Variants in PTPRQ observed in about 807,000 individuals in gnomAD.
The protein encoded by PTPRQ is phosphatidylinositol phosphatase PTPRQ.
A neutral mutation model predicts 246.0 loss-of-function variants in PTPRQ; 199 were observed. That is an observed-to-expected ratio of 0.81 (90% CI 0.72 to 0.91). PTPRQ has a LOEUF of 0.91. Among genes scored for constraint, PTPRQ ranks in the 40% least tolerant of loss-of-function variants. PTPRQ has a pLI of 0.00. For missense variants in PTPRQ, 2,624 were observed against 2,528.4 expected (o/e 1.04, Z -0.81); for synonymous variants, 869 against 853.2 (o/e 1.02, Z -0.32).
chr12:80,589,761 G>C (rs1245069444), intron 26 of PTPRQ, among the ~76,000 whole-genome samples: 1 of 151,858 alleles, frequency 6.6e-6, no homozygotes, highest in African/African-American at 2.4e-5. Context: ...CTGGCACTTT[G>C]ACACTTGGTT....
intron 39 of PTPRQ, 70 bp from the exon 40 acceptor site, chr12:80,668,937 C>A: frequency 3.4e-6 from 5 of 1,450,782 alleles, no homozygotes; most frequent in Non-Finnish European, 4.6e-6. Context: ...ATGTTTCATG[C>A]ATTGATCGAA....
intron 17 of PTPRQ, among the ~76,000 whole-genome samples, chr12:80,512,209 T>C (rs1895146009): frequency 6.6e-6 from 1 of 152,186 alleles, no homozygotes; most frequent in African/African-American, 2.4e-5. Flanking sequence ...ATGAAACAGA[T>C]TAAGTGAGAA....
At position 80,444,374 on chromosome 12, in the gene PTPRQ, T is replaced by C. The variant is rs762742378; in HGVS notation, c.29T>C (p.Leu10Pro). MDFLIIFLLLFIGTSETQVD... is the reference protein window; with the variant it reads MDFLIIFLLPFIGTSETQVD... ...GATTTTCTTATCATTTTTCTTTTAC[T>C]TTTTATTGGGACTTCAGAGACACAG... The change falls in exon 1 of 45, where the codon CTT becomes CCT. Residue 10 changes from leucine to proline, a missense_variant. By Grantham distance (98) the Leu-to-Pro change is moderately conservative. Coordinates refer to ENST00000644991, the MANE Select transcript of PTPRQ (RefSeq NM_001145026.2). 28 of 1,481,834 alleles carry C rather than the reference T, an allele frequency of 1.9e-5. No individual in the cohort carries two copies. The highest frequency in any genetic ancestry group is 2.6e-5 in the Non-Finnish European group (28 of 1,086,258). The allele number at this position is 1,481,834 out of a possible 1,614,324, so 91.8% of individuals were successfully genotyped here.
At chr12:80,488,671 C>G (rs1414566598) in intron 9 of PTPRQ, among the ~76,000 whole-genome samples, 1 of 151,876 alleles carries the variant, frequency 6.6e-6, no homozygotes, top group African/African-American at 2.4e-5. Context: ...CCTTCATCAT[C>G]TTTTTTTGTA....
At chr12:80,581,052 A>T (rs555395544) in intron 25 of PTPRQ, among the ~76,000 whole-genome samples, 1 of 152,160 alleles carries the variant, frequency 6.6e-6, no homozygotes, top group Non-Finnish European at 1.5e-5. Flanking sequence ...CTAAAATCTG[A>T]ACATTGGAGG....
At chr12:80,489,522 G>T (rs1894379984) in intron 9 of PTPRQ, among the ~76,000 whole-genome samples, 2 of 151,940 alleles carry the variant, frequency 1.3e-5, no homozygotes, top group South Asian at 4.1e-4. Context: ...GTTTTCCGAA[G>T]ACTTAATATC....
intron 25 of PTPRQ, among the ~76,000 whole-genome samples, chr12:80,567,107 A>C (rs1435033070): frequency 6.6e-6 from 1 of 152,222 alleles, no homozygotes; most frequent in Non-Finnish European, 1.5e-5. Flanking sequence ...GGTACCAAAC[A>C]ATAGTTGAAA....
Position 80,472,989 on chromosome 12 carries a change from T to G in PTPRQ, c.1186+738T>G, listed in dbSNP as rs150285391. On this transcript the variant is annotated intron_variant, in intron 8 of 44. Transcript: ENST00000644991. ...GACTTTGTTTGTGTGGAAGCTAACA[T>G]ACAGTAACTTATAAATGAAATGTAG... is the stretch of plus-strand genomic sequence containing the variant. 7.3e-5 allele frequency among the ~76,000 whole-genome samples: 11 copies of G among 151,000 alleles called. No homozygotes were observed. In the East Asian group the frequency reaches 1.9e-3, roughly 27 times the overall value.
At chr12:80,559,628 TA>T (rs1358939014) in intron 25 of PTPRQ, among the ~76,000 whole-genome samples, 1 of 152,212 alleles carries the variant, frequency 6.6e-6, no homozygotes, top group Admixed American at 6.5e-5. Context: ...TGTTCATTAA[TA>T]AGGACTCTTC....
intron 41 of PTPRQ, among the ~76,000 whole-genome samples, chr12:80,669,723 A>G (rs997181505): frequency 6.6e-6 from 1 of 152,050 alleles, no homozygotes; most frequent in African/African-American, 2.4e-5. Context: ...AGAGCAGAAA[A>G]AGGAGAGAAA....
chr12:80,537,923 C>T (rs1156321933), intron 19 of PTPRQ, among the ~76,000 whole-genome samples: 1 of 152,032 alleles, frequency 6.6e-6, no homozygotes, highest in African/African-American at 2.4e-5. Flanking sequence ...TCCTGGCTAA[C>T]AAGGTGAAAC....
chr12:80,664,850 C>G (rs1019431855), intron 39 of PTPRQ, among the ~76,000 whole-genome samples: 1 of 152,014 alleles, frequency 6.6e-6, no homozygotes, highest in African/African-American at 2.4e-5. Flanking sequence ...TAGGTTCTAT[C>G]TCATCTTCCA....
chr12:80,622,987 T>C (rs1190382288), intron 33 of PTPRQ, among the ~76,000 whole-genome samples: 6 of 152,244 alleles, frequency 3.9e-5, no homozygotes, highest in Admixed American at 3.9e-4. Context: ...GATCACAACA[T>C]TCTACATTGT....
At chr12:80,628,820 G>T (rs1369686612) in intron 33 of PTPRQ, among the ~76,000 whole-genome samples, 1 of 152,110 alleles carries the variant, frequency 6.6e-6, no homozygotes, top group African/African-American at 2.4e-5. Flanking sequence ...GAAAAAAGTA[G>T]AACAGAGGGA....
intron 8 of PTPRQ, among the ~76,000 whole-genome samples, chr12:80,478,622 CTG>C (rs1248738757): frequency 6.6e-6 from 1 of 152,040 alleles, no homozygotes; most frequent in Non-Finnish European, 1.5e-5. Context: ...AAGTTGAAAA[CTG>C]TGAAAAAAAT....
At chr12:80,559,489 G>A (rs1896762998) in intron 25 of PTPRQ, among the ~76,000 whole-genome samples, 1 of 152,174 alleles carries the variant, frequency 6.6e-6, no homozygotes, top group African/African-American at 2.4e-5. Flanking sequence ...TGAAAGAGCT[G>A]TCTCTCCTCC....
chr12:80,639,623 A>G (rs751978035), intron 35 of PTPRQ, among the ~76,000 whole-genome samples: 25 of 152,244 alleles, frequency 1.6e-4, no homozygotes, highest in Non-Finnish European at 3.2e-4. Context: ...AGAAGTGTAC[A>G]TGTTGAATTT....
intron 30 of PTPRQ, among the ~76,000 whole-genome samples, chr12:80,616,573 C>T (rs144788825): frequency 1.1e-4 from 17 of 150,950 alleles, no homozygotes; most frequent in Non-Finnish European, 2.1e-4. Context: ...TAAATGTTAT[C>T]GAAAAGAAAG....
Position 80,452,291 on chromosome 12 carries a change from A to G in PTPRQ, c.391-5284A>G, listed in dbSNP as rs535172637. ...GTGAGATGGGTTTCCTGAATACAGC[A>G]CACTGATGGGTCTTGACTCTTTATC... On this transcript the variant is annotated intron_variant, in intron 3 of 44. Coordinates refer to ENST00000644991, the MANE Select transcript of PTPRQ (RefSeq NM_001145026.2). Among the ~76,000 whole-genome samples, 6 of 151,542 alleles carry G rather than the reference A, an allele frequency of 4.0e-5. No homozygotes were observed. In the South Asian group the frequency reaches 1.3e-3, roughly 32 times the overall value.
Sources: allele counts gnomAD v4.1 joint callset (sites outside exome capture counted in the v4.1 genomes callset), GRCh38; gene constraint gnomAD v4.1.1; transcripts MANE v1.5; gene names NCBI Gene and HGNC (gene_info 2026-07-23, HGNC 2026-07-21).